Variants in DGKG observed in about 807,000 individuals in gnomAD.
DGKG encodes DAG kinase gamma.
Under a neutral mutation model 105.3 loss-of-function variants are expected in DGKG, and 78 were observed. That is an observed-to-expected ratio of 0.74 (90% confidence interval 0.62 to 0.89). The LOEUF (loss-of-function observed/expected upper bound fraction) is 0.89. Among genes scored for constraint, DGKG ranks in the 40% least tolerant of loss-of-function variants. The pLI is 0.00. For missense variants in DGKG, 958 were observed against 1,020.1 expected (o/e 0.94, Z 0.83); for synonymous variants, 346 against 367.1 (o/e 0.94, Z 0.66).
At chr3:186,268,059 A>T (rs932550338) in intron 12 of DGKG, among the ~76,000 whole-genome samples, 6 of 152,132 alleles carry the variant, frequency 3.9e-5, no homozygotes, top group African/African-American at 1.4e-4. Flanking sequence ...GTGGCACCCC[A>T]TGTTGATTCC....
intron 21 of DGKG, among the ~76,000 whole-genome samples, chr3:186,199,073 G>A (rs1024154483): frequency 4.6e-5 from 7 of 151,960 alleles, no homozygotes; most frequent in Non-Finnish European, 8.8e-5. Flanking sequence ...TCAGCCTCCC[G>A]AGTAGCTGGG....
chr3:186,190,363 A>G (rs766919107), intron 21 of DGKG, among the ~76,000 whole-genome samples: 5 of 152,218 alleles, frequency 3.3e-5, no homozygotes, highest in Non-Finnish European at 5.9e-5. Flanking sequence ...TGAAAACTAC[A>G]TCAACGACGG....
At chr3:186,352,360 C>A (rs1726673974) in intron 1 of DGKG, among the ~76,000 whole-genome samples, 1 of 152,118 alleles carries the variant, frequency 6.6e-6, no homozygotes, top group Admixed American at 6.6e-5. Context: ...TGACATGGAT[C>A]TTTCAGGTAC....
intron 20 of DGKG, among the ~76,000 whole-genome samples, chr3:186,236,358 G>A (rs1161044954): frequency 6.6e-6 from 1 of 152,210 alleles, no homozygotes; most frequent in African/African-American, 2.4e-5. Flanking sequence ...TTAAGGCAAT[G>A]CTTGTTATTC....
At chr3:186,300,300 C>T (rs1723861139) in intron 3 of DGKG, among the ~76,000 whole-genome samples, 1 of 152,192 alleles carries the variant, frequency 6.6e-6, no homozygotes, top group Non-Finnish European at 1.5e-5. Flanking sequence ...TCCTTCTCCC[C>T]TTTCCTTTCA....
chr3:186,179,320 T>C (rs768661144), intron 22 of DGKG, among the ~76,000 whole-genome samples: 14 of 152,220 alleles, frequency 9.2e-5, no homozygotes, highest in Non-Finnish European at 1.5e-4. Flanking sequence ...AGAGACTGTA[T>C]AATGCACCTA....
At chr3:186,323,556 G>C (rs772594519) in intron 1 of DGKG, among the ~76,000 whole-genome samples, 6 of 152,182 alleles carry the variant, frequency 3.9e-5, no homozygotes, top group Non-Finnish European at 8.8e-5. Flanking sequence ...CACTTTAGGA[G>C]GCTAAGATGG....
intron 1 of DGKG, among the ~76,000 whole-genome samples, chr3:186,344,806 T>C (rs1405471397): frequency 6.6e-6 from 1 of 152,230 alleles, no homozygotes; most frequent in Non-Finnish European, 1.5e-5. Context: ...ACTTTTACTA[T>C]TTTTGCTTTG....
intron 13 of DGKG, 56 bp downstream of exon 13, chr3:186,267,629 C>T (rs1055370033): frequency 1.4e-6 from 2 of 1,388,566 alleles, no homozygotes; most frequent in Non-Finnish European, 2.1e-6. Context: ...AAGCTGCCTA[C>T]ATCTGAAACC....
Position 186,188,242 on chromosome 3 carries a change from C to T in DGKG, c.2055G>A (p.Lys685=), listed in dbSNP as rs776192898. The T allele has an allele frequency of 6.2e-7, 1 of 1,614,050 alleles. No individual in the cohort carries two copies. Among genetic ancestry groups the T allele is most frequent in the Non-Finnish European group, 8.5e-7 (1 of 1,180,040 alleles). ...TCAGTTCTTTGGGGTCAGTGACACC[C>T]TTCCTGCTTTCCCGGATCACAGCCC... ...KNRAVIRESR[K]GVTDPKELKF... The change falls in exon 22 of 25, where the codon AAG becomes AAA. Residue 685 remains lysine (K), a synonymous_variant. Transcript: ENST00000265022.
chr3:186,296,112 CAAA>C (rs36070727), intron 5 of DGKG, among the ~76,000 whole-genome samples: 41,545 of 143,332 alleles, frequency 0.29, 5,949 homozygotes, highest in East Asian at 0.42. Flanking sequence ...TTATCTCAGA[CAAA>C]AAAAAAAAAA....
In DGKG at chr3:186,259,139, C is replaced by T. The variant is rs185297923; in HGVS notation, c.1425-1200G>A. 1.2e-4 allele frequency among the ~76,000 whole-genome samples: 19 copies of T among 152,318 alleles called. 1 individual carries two copies. The South Asian group carries it at 2.3e-3, about 18-fold the overall frequency. On this transcript the variant is annotated intron_variant, in intron 16 of 24. Transcript: ENST00000265022. ...CGACGGGAAGTGAATTCTGAACAGACGCTCCCTCCAGCTAGGCAGCTTGTC... is the reference window on the plus strand; with the variant it reads ...CGACGGGAAGTGAATTCTGAACAGATGCTCCCTCCAGCTAGGCAGCTTGTC...
At chr3:186,198,779 C>T (rs1718304233) in intron 21 of DGKG, among the ~76,000 whole-genome samples, 1 of 152,108 alleles carries the variant, frequency 6.6e-6, no homozygotes, top group Non-Finnish European at 1.5e-5. Flanking sequence ...GGGCCTATGG[C>T]CATAATAGAG....
At chr3:186,154,344 C>T (rs1046639446) in intron 24 of DGKG, among the ~76,000 whole-genome samples, 12 of 151,612 alleles carry the variant, frequency 7.9e-5, no homozygotes, top group African/African-American at 1.5e-4. Flanking sequence ...CAGAGGCCTT[C>T]GAATGTAAAT....
intron 3 of DGKG, among the ~76,000 whole-genome samples, chr3:186,299,827 T>TTCTTTCTGTCTTTCTTTCTTTC (rs1553815845): frequency 9.3e-6 from 1 of 107,346 alleles, no homozygotes; most frequent in Admixed American, 9.6e-5. Flanking sequence ...CTTTCTTTCT[T>TTCTTTCTGTCTTTCTTTCTTTC]TCTTTCTTTC....
At chr3:186,274,984 A>G (rs1210960594) in intron 10 of DGKG, among the ~76,000 whole-genome samples, 1 of 152,146 alleles carries the variant, frequency 6.6e-6, no homozygotes, top group African/African-American at 2.4e-5. Context: ...CAATGGTTGA[A>G]CTAGTTTACA....
chr3:186,261,246 C>T (rs1430352944), intron 15 of DGKG, among the ~76,000 whole-genome samples: 1 of 152,236 alleles, frequency 6.6e-6, no homozygotes, highest in Non-Finnish European at 1.5e-5. Flanking sequence ...TGCTGTTCAG[C>T]AATTTCTAGC....
intron 1 of DGKG, among the ~76,000 whole-genome samples, chr3:186,349,611 T>G (rs915631757): frequency 1.5e-4 from 23 of 152,188 alleles, no homozygotes; most frequent in African/African-American, 5.5e-4. Flanking sequence ...TCTTTGGAAC[T>G]GCTAGATATT....
At chr3:186,349,963 C>T (rs1353683226) in intron 1 of DGKG, among the ~76,000 whole-genome samples, 4 of 151,972 alleles carry the variant, frequency 2.6e-5, no homozygotes, top group Non-Finnish European at 5.9e-5. Context: ...TGGCTCACTG[C>T]AACCTCTGTC....
Sources: gnomAD v4.1 joint callset for allele counts (sites outside exome capture counted in the v4.1 genomes callset) on GRCh38, gnomAD v4.1.1 for gene constraint, MANE v1.5 for transcripts, NCBI Gene and HGNC (gene_info 2026-07-23, HGNC 2026-07-21) for gene names.